SOS2: variants seen among roughly 807,000 people sequenced by gnomAD.
SOS2 encodes the protein son of sevenless homolog 2.
Under a neutral mutation model 148.2 loss-of-function variants are expected in SOS2, and 65 were observed. The observed-to-expected ratio is 0.44, with a 90% CI of 0.36 to 0.54. The LOEUF is 0.54. SOS2 is among the 20% of genes least tolerant of loss of function. The pLI is 0.00. For synonymous variants in SOS2, 539 were observed against 537.1 expected (o/e 1.00, Z -0.05); for missense variants, 1,341 against 1,590.2 (o/e 0.84, Z 2.67).
chr14:50,190,817 G>A (rs1886106567), intron 4 of SOS2, among the ~76,000 whole-genome samples: 1 of 152,040 alleles, frequency 6.6e-6, no homozygotes, highest in East Asian at 1.9e-4. Context: ...TGTCATTGGA[G>A]ACCATCATCC....
At chr14:50,166,396 T>C (rs4898651) in intron 8 of SOS2, among the ~76,000 whole-genome samples, 82,098 of 151,774 alleles carry the variant, frequency 0.54, 22,506 homozygotes, top group Middle Eastern at 0.64. Context: ...ATCCAGCTAA[T>C]TTTTGAATTT....
intron 22 of SOS2, among the ~76,000 whole-genome samples, chr14:50,119,917 T>G (rs1420833568): frequency 6.7e-6 from 1 of 149,174 alleles, no homozygotes; most frequent in East Asian, 2.0e-4. Context: ...GTTCAAGCGC[T>G]TCTCCTGCCT....
In SOS2 at chr14:50,130,721, C is replaced by T. The variant is rs1187410948; in HGVS notation, c.3117G>A (p.Arg1039=). ...STFSLKSPGI[R]PNTGRHGSTS... is the part of the protein sequence containing the mutation. ...TAGAGCCATGTCGGCCTGTGTTAGG[C>T]CTTATTCCAGGAGATTTTAAGGAAA... Residue 1039 remains arginine, a synonymous_variant, in exon 20 of 23, where the codon AGG becomes AGA. Transcript: ENST00000216373. 2 of 1,610,580 alleles carry T rather than the reference C, an allele frequency of 1.2e-6. No individual in the cohort carries two copies. The highest frequency in any genetic ancestry group is 1.7e-6 in the Non-Finnish European group (2 of 1,178,698).
In SOS2 at chr14:50,178,687, T is replaced by C. The variant is rs1428583349; in HGVS notation, c.969+1885A>G. Among the ~76,000 whole-genome samples, 102 of 17,804 alleles carry C rather than the reference T, an allele frequency of 5.7e-3. 1 individual carries two copies. The highest frequency in any genetic ancestry group is 0.02 in the African/African-American group (100 of 4,954). 11.7% of individuals were successfully genotyped at this position (17,804 alleles called of 152,430 possible). On this transcript the variant is annotated intron_variant, in intron 7 of 22. Transcript: ENST00000216373. ...GTGTGTGTGCATATATATATATATA[T>C]ATATATATATATATATATATATATA...
rs185968287 is a variant in SOS2, at chr14:50,166,088, A to C, written c.1069-4479T>G. ...TGAAAGGGATTCTTTCTATGTTGAA[A>C]ACAAACTGGATAACTACTGAGTTTA... On this transcript the variant is annotated intron_variant, in intron 8 of 22. Transcript: ENST00000216373. Among the ~76,000 whole-genome samples the C allele has an allele frequency of 3.3e-5, 5 of 152,346 alleles. No individual in the cohort carries two copies. In the East Asian group the frequency reaches 9.6e-4, roughly 29 times the overall value.
intron 2 of SOS2, 109 bp from the exon 3 acceptor site, chr14:50,201,193 G>T: frequency 2.0e-6 from 2 of 995,662 alleles, no homozygotes; most frequent in Non-Finnish European, 3.0e-6. Context: ...AGATAATAGT[G>T]ACACAATACA....
rs886376742 is a variant in SOS2, at chr14:50,132,354, T to TAAAA, written c.3076-1596_3076-1593dup. 8.3e-4 allele frequency among the ~76,000 whole-genome samples: 52 copies of TAAAA among 62,976 alleles called. 4 individuals are homozygous for TAAAA. The highest frequency in any genetic ancestry group is 3.2e-3 in the African/African-American group (49 of 15,152). 41.3% of individuals were successfully genotyped at this position (62,976 alleles called of 152,430 possible). The stretch of plus-strand genomic sequence containing the variant: ...CAATATAGCAAGACTCTATTGCCAT[T>TAAAA]AAAAAAAAAAAAAAAAAAAAAAAAG... On this transcript the variant is annotated intron_variant, in intron 19 of 22. Transcript: ENST00000216373.
chr14:50,130,164 A>G (rs1214159832), intron 20 of SOS2, among the ~76,000 whole-genome samples, 162 bp from the exon 21 acceptor site: 1 of 152,166 alleles, frequency 6.6e-6, no homozygotes. Flanking sequence ...CTGTATCTAG[A>G]ATGGTTTTCC....
intron 1 of SOS2, among the ~76,000 whole-genome samples, chr14:50,221,568 A>C (rs1054814610): frequency 5.9e-5 from 9 of 152,254 alleles, no homozygotes; most frequent in Non-Finnish European, 1.3e-4. Context: ...AGAGATAATT[A>C]CAAATATTTT....
chr14:50,173,421 C>T (rs1371429307), intron 8 of SOS2, among the ~76,000 whole-genome samples: 1 of 149,244 alleles, frequency 6.7e-6, no homozygotes, highest in Non-Finnish European at 1.5e-5. Flanking sequence ...AGGTAGCCAG[C>T]TTTTTTTTTT....
chr14:50,127,685 C>T (rs565643677), intron 21 of SOS2, among the ~76,000 whole-genome samples: 1 of 152,218 alleles, frequency 6.6e-6, no homozygotes, highest in African/African-American at 2.4e-5. Flanking sequence ...ACATTGGGTC[C>T]TCTGCTACTG....
intron 1 of SOS2, among the ~76,000 whole-genome samples, chr14:50,210,724 G>A (rs2139818268): frequency 1.3e-5 from 2 of 151,552 alleles, no homozygotes; most frequent in East Asian, 1.9e-4. Context: ...AGAAAAAATG[G>A]GCAAAAAACC....
chr14:50,188,001 T>C (rs1885975315), intron 5 of SOS2, among the ~76,000 whole-genome samples: 1 of 152,208 alleles, frequency 6.6e-6, no homozygotes, highest in African/African-American at 2.4e-5. Flanking sequence ...CCTTCTAATT[T>C]TGTGCCTAAT....
At chr14:50,149,082 A>G (rs140675823) in intron 14 of SOS2, among the ~76,000 whole-genome samples, 2 of 152,192 alleles carry the variant, frequency 1.3e-5, no homozygotes, top group Non-Finnish European at 2.9e-5. Context: ...TAGTTTTTGT[A>G]TGACGGAGTT....
At chr14:50,169,224 G>C (rs1210325045) in intron 8 of SOS2, among the ~76,000 whole-genome samples, 2 of 152,178 alleles carry the variant, frequency 1.3e-5, no homozygotes, top group South Asian at 2.1e-4. Context: ...GCTGAAGCAA[G>C]AGAATCGTTT....
At chr14:50,137,506 G>C (rs1884120649) in intron 18 of SOS2, among the ~76,000 whole-genome samples, 1 of 152,142 alleles carries the variant, frequency 6.6e-6, no homozygotes, top group Non-Finnish European at 1.5e-5. Context: ...TCAAAAGAAA[G>C]TACTTAGTAA....
intron 21 of SOS2, among the ~76,000 whole-genome samples, chr14:50,129,636 T>G (rs1475181542): frequency 6.6e-6 from 1 of 152,142 alleles, no homozygotes. Flanking sequence ...CCACCTGCCT[T>G]GGCCTCCCAA....
chr14:50,216,159 C>T (rs1239364952), intron 1 of SOS2, among the ~76,000 whole-genome samples: 1 of 150,870 alleles, frequency 6.6e-6, no homozygotes, highest in Non-Finnish European at 1.5e-5. Flanking sequence ...GCAGTGGCAG[C>T]AATCTTGGCT....
intron 16 of SOS2, among the ~76,000 whole-genome samples, chr14:50,142,717 G>C (rs1447306033): frequency 2.6e-5 from 4 of 152,210 alleles, no homozygotes; most frequent in African/African-American, 9.6e-5. Flanking sequence ...TTCTCTTACT[G>C]ATAGACATTC....
Sources: gnomAD v4.1 joint callset for allele counts (sites outside exome capture counted in the v4.1 genomes callset) on GRCh38, gnomAD v4.1.1 for gene constraint, MANE v1.5 for transcripts, NCBI Gene and HGNC (gene_info 2026-07-23, HGNC 2026-07-21) for gene names.